UNC13B: variants seen among roughly 807,000 people sequenced by gnomAD.
UNC13B encodes protein unc-13 homolog B.
UNC13B carries 144 observed loss-of-function variants against 211.0 expected under a neutral mutation model. That is an observed-to-expected ratio of 0.68 (90% confidence interval 0.60 to 0.78). The LOEUF is 0.78. Ranked by LOEUF, UNC13B falls within the 30% of genes least tolerant of loss-of-function variation. UNC13B has a pLI of 0.00. For missense variants in UNC13B, 1,777 were observed against 2,002.0 expected (o/e 0.89, Z 2.14); for synonymous variants, 709 against 725.8 (o/e 0.98, Z 0.37).
At chr9:35,297,597 C>G (rs1389706958) in intron 8 of UNC13B, among the ~76,000 whole-genome samples, 2 of 129,810 alleles carry the variant, frequency 1.5e-5, no homozygotes, top group African/African-American at 2.9e-5. Flanking sequence ...TCGCCCAGGC[C>G]GGACTGCAGT....
chr9:35,372,417 C>T (rs1292152791), intron 13 of UNC13B, among the ~76,000 whole-genome samples: 1 of 152,264 alleles, frequency 6.6e-6, no homozygotes, highest in East Asian at 1.9e-4. Flanking sequence ...CAGGGGCTGC[C>T]CCTAAAGCTT....
intron 7 of UNC13B, among the ~76,000 whole-genome samples, chr9:35,275,245 C>T (rs191524054): frequency 3.9e-5 from 6 of 152,146 alleles, no homozygotes; most frequent in Admixed American, 1.3e-4. Flanking sequence ...GTGTTCTTTC[C>T]GCTATACCAC....
chr9:35,322,494 T>C lies in UNC13B; in HGVS notation c.9414+8505T>C, dbSNP rs1471280767. On this transcript the variant is annotated intron_variant, in intron 11 of 39. Coordinates refer to ENST00000635942, the MANE Select transcript of UNC13B (RefSeq NM_001371189.2). ...AAGCAGAGACAGAACAGCAAATAGA[T>C]GAGAAGGCCTGGGTTTAAATGGAGC... 3.3e-5 allele frequency among the ~76,000 whole-genome samples: 5 copies of C among 152,038 alleles called. No individual in the cohort carries two copies. The East Asian group carries it at 9.7e-4, about 29-fold the overall frequency.
chr9:35,382,854 G>A (rs537234253), intron 21 of UNC13B, among the ~76,000 whole-genome samples: 4 of 152,206 alleles, frequency 2.6e-5, no homozygotes, highest in South Asian at 2.1e-4. Context: ...TTGAGCCACC[G>A]TGCCCAGCCA....
intron 17 of UNC13B, among the ~76,000 whole-genome samples, chr9:35,378,999 G>C (rs1564180858): frequency 6.6e-6 from 1 of 152,134 alleles, no homozygotes; most frequent in Non-Finnish European, 1.5e-5. Flanking sequence ...TCTTATGACA[G>C]TAAAGGATGG....
At chr9:35,299,613 A>T (rs1354742078) in intron 8 of UNC13B, among the ~76,000 whole-genome samples, 1 of 152,204 alleles carries the variant, frequency 6.6e-6, no homozygotes, top group African/African-American at 2.4e-5. Flanking sequence ...AGCATTTAAA[A>T]ATTGATATTA....
intron 11 of UNC13B, among the ~76,000 whole-genome samples, chr9:35,350,929 T>C (rs771766389): frequency 3.7e-4 from 56 of 152,236 alleles, no homozygotes; most frequent in Admixed American, 9.2e-4. Context: ...GCCTTGGTGG[T>C]TAAGCATTTG....
At chr9:35,262,302 T>C (rs1216341130) in intron 7 of UNC13B, among the ~76,000 whole-genome samples, 3 of 151,846 alleles carry the variant, frequency 2.0e-5, no homozygotes, top group African/African-American at 7.3e-5. Flanking sequence ...TTTTCTCTTT[T>C]CACTTTTCTC....
At chr9:35,376,392 A>G in intron 15 of UNC13B, 145 bp downstream of exon 15, 2 of 855,464 alleles carry the variant, frequency 2.3e-6, no homozygotes, top group East Asian at 5.3e-5. Flanking sequence ...AGAAGGTAGG[A>G]TTCTGAATCA....
intron 7 of UNC13B, among the ~76,000 whole-genome samples, chr9:35,284,567 G>C (rs1683055340): frequency 6.6e-6 from 1 of 151,888 alleles, no homozygotes; most frequent in Admixed American, 6.6e-5. Flanking sequence ...TTTCATTTTG[G>C]ATTTTTCTAT....
rs1829896082 is a variant in UNC13B, at chr9:35,305,806, T to C, written c.6402T>C (p.Asp2134=). ...GCAAGAGAAATTCAAATGAACAAGA[T>C]CATTTTTCTGACAAAGACTGGAGTT... ...TLSKRNSNEQ[D]HFSDKDWSFS... Residue 2134 remains aspartate, a synonymous_variant, in exon 9 of 40, where the codon GAT becomes GAC. Transcript: ENST00000635942. 4 of 398,874 alleles carry C rather than the reference T, an allele frequency of 1.0e-5. No homozygotes were observed. In the Admixed American group the frequency reaches 1.3e-4, roughly 13 times the overall value. 24.7% of individuals were successfully genotyped at this position (398,874 alleles called of 1,614,324 possible).
intron 1 of UNC13B, among the ~76,000 whole-genome samples, chr9:35,220,990 G>A (rs1824535651): frequency 1.3e-5 from 2 of 152,154 alleles, no homozygotes; most frequent in South Asian, 4.2e-4. Context: ...GTTTTGATTT[G>A]CATTTTGCTG....
intron 13 of UNC13B, among the ~76,000 whole-genome samples, chr9:35,374,894 C>A (rs1025316357): frequency 6.6e-6 from 1 of 152,178 alleles, no homozygotes; most frequent in Non-Finnish European, 1.5e-5. Flanking sequence ...ATGATAGATA[C>A]CCTGAAGAAA....
chr9:35,178,522 C>T (rs926472002), intron 1 of UNC13B, among the ~76,000 whole-genome samples: 3 of 150,476 alleles, frequency 2.0e-5, no homozygotes, highest in African/African-American at 7.3e-5. Context: ...AACAAAAAAA[C>T]ACATACACAC....
chr9:35,370,947 C>A (rs1211627674), intron 13 of UNC13B, among the ~76,000 whole-genome samples: 3 of 152,166 alleles, frequency 2.0e-5, no homozygotes, highest in Non-Finnish European at 4.4e-5. Flanking sequence ...GGCCTCCATC[C>A]CATCCTCCCA....
At chr9:35,229,189 C>T (rs1825054203) in intron 2 of UNC13B, among the ~76,000 whole-genome samples, 2 of 152,230 alleles carry the variant, frequency 1.3e-5, no homozygotes, top group Middle Eastern at 6.8e-3. Context: ...ATTAGGAAGA[C>T]TTCCTCTGGT....
chr9:35,177,510 C>A (rs1040509604), intron 1 of UNC13B, among the ~76,000 whole-genome samples: 1 of 152,182 alleles, frequency 6.6e-6, no homozygotes, highest in African/African-American at 2.4e-5. Context: ...ACATCTGCCC[C>A]ATGTACCTTC....
At chr9:35,238,060 TTC>T (rs1437795562) in intron 5 of UNC13B, among the ~76,000 whole-genome samples, 3 of 152,194 alleles carry the variant, frequency 2.0e-5, no homozygotes, top group African/African-American at 7.2e-5. Flanking sequence ...TCATTTAATT[TTC>T]TGTGACTATT....
chr9:35,311,226 A>G (rs958028469), intron 10 of UNC13B, among the ~76,000 whole-genome samples: 1 of 152,060 alleles, frequency 6.6e-6, no homozygotes, highest in Non-Finnish European at 1.5e-5. Flanking sequence ...CCTGCCTCAG[A>G]CTCCCAAAGT....
Sources: allele counts gnomAD v4.1 joint callset (sites outside exome capture counted in the v4.1 genomes callset), GRCh38; gene constraint gnomAD v4.1.1; transcripts MANE v1.5; gene names NCBI Gene and HGNC (gene_info 2026-07-23, HGNC 2026-07-21).